TPX2: variants seen among roughly 807,000 people sequenced by gnomAD.
TPX2 encodes targeting protein for Xklp2.
Under a neutral mutation model 93.6 loss-of-function variants are expected in TPX2, and 21 were observed. That is an observed-to-expected ratio of 0.22 (90% CI 0.16 to 0.32). TPX2 has a LOEUF of 0.32. Ranked by LOEUF, TPX2 falls within the 10% of genes least tolerant of loss-of-function variation. TPX2 has a pLI of 1.00. For missense variants in TPX2, 776 were observed against 871.1 expected, an observed-to-expected ratio of 0.89 and a Z score of 1.37; for synonymous variants, 281 against 298.3, an observed-to-expected ratio of 0.94 and a Z score of 0.60.
At chr20:31,778,754 A>G (rs1416449001) in intron 9 of TPX2, 59 bp from the exon 10 acceptor site, 7 of 1,453,480 alleles carry the variant, frequency 4.8e-6, no homozygotes, top group African/African-American at 2.9e-5. Context: ...TATGTGGCTT[A>G]TGGTAGATGT....
intron 15 of TPX2, among the ~76,000 whole-genome samples, chr20:31,795,165 G>A (rs1326980297): frequency 6.6e-5 from 10 of 151,366 alleles, no homozygotes; most frequent in Non-Finnish European, 1.3e-4. Context: ...ACAGAGTGTC[G>A]CTCTGTCACC....
In TPX2 at chr20:31,794,378, A is replaced by C. The variant is rs752114507; in HGVS notation, c.1687-24A>C. 69 of 1,610,186 alleles carry C rather than the reference A, an allele frequency of 4.3e-5. 1 individual carries two copies. The South Asian group carries it at 7.3e-4, about 17-fold the overall frequency. On this transcript the variant is annotated intron_variant, in intron 14 of 17. Transcript: ENST00000300403. ...GCTTTCCAGCTAGTCTTTATCTTAA[A>C]CCTCATGTTTTCTTTTCTGTTAGGT...
intron 15 of TPX2, 36 bp downstream of exon 15, chr20:31,794,584 C>T: frequency 6.2e-7 from 1 of 1,607,054 alleles, no homozygotes. Flanking sequence ...ATGTTAATTG[C>T]TTGGTTGGTT....
chr20:31,798,093 G>C (rs997506928), intron 16 of TPX2, among the ~76,000 whole-genome samples: 3 of 152,170 alleles, frequency 2.0e-5, no homozygotes, highest in African/African-American at 7.2e-5. Flanking sequence ...TTCTATGTCT[G>C]CCTCAAAATC....
At chr20:31,792,371 CAAAT>C (rs1290028815) in intron 12 of TPX2, among the ~76,000 whole-genome samples, 1 of 152,084 alleles carries the variant, frequency 6.6e-6, no homozygotes, top group African/African-American at 2.4e-5. Flanking sequence ...AACAAACAAA[CAAAT>C]AAAAGGATTA....
intron 7 of TPX2, among the ~76,000 whole-genome samples, chr20:31,773,242 C>T (rs1284567137): frequency 2.0e-5 from 3 of 151,116 alleles, no homozygotes; most frequent in Non-Finnish European, 2.9e-5. Flanking sequence ...ACCTCTGCCT[C>T]CCACGTTCAA....
intron 10 of TPX2, among the ~76,000 whole-genome samples, chr20:31,781,253 CTTTTT>C (rs1007150417): frequency 8.6e-6 from 1 of 116,772 alleles, no homozygotes; most frequent in Admixed American, 8.5e-5. Context: ...GGCCTTATAT[CTTTTT>C]TTTTTTTTTT....
chr20:31,788,050 G>T (rs2062077747), intron 12 of TPX2, among the ~76,000 whole-genome samples: 1 of 152,068 alleles, frequency 6.6e-6, no homozygotes, highest in Non-Finnish European at 1.5e-5. Context: ...TGATTTTGGG[G>T]GTCCCAAGAT....
chr20:31,749,532 A>C (rs1263086291), intron 2 of TPX2, among the ~76,000 whole-genome samples: 1 of 152,130 alleles, frequency 6.6e-6, no homozygotes, highest in Non-Finnish European at 1.5e-5. Flanking sequence ...ACGGTGGCTT[A>C]CGCTAGTAAT....
intron 4 of TPX2, among the ~76,000 whole-genome samples, chr20:31,763,033 T>TG (rs1372376076): frequency 6.6e-6 from 1 of 152,160 alleles, no homozygotes; most frequent in Non-Finnish European, 1.5e-5. Flanking sequence ...TTTGTCTGTG[T>TG]GTCTGTTTTT....
chr20:31,784,537 A>G (rs1376640512), intron 12 of TPX2, among the ~76,000 whole-genome samples: 1 of 152,186 alleles, frequency 6.6e-6, no homozygotes, highest in Non-Finnish European at 1.5e-5. Context: ...ATGCCTCTCC[A>G]TTACATGATA....
At chr20:31,758,482 C>G (rs2061865940) in intron 3 of TPX2, among the ~76,000 whole-genome samples, 1 of 152,126 alleles carries the variant, frequency 6.6e-6, no homozygotes, top group Non-Finnish European at 1.5e-5. Context: ...AACAGTATTG[C>G]TTGGCCAATG....
chr20:31,779,071 G>T (rs2062018903), intron 10 of TPX2, 87 bp downstream of exon 10: 2 of 1,394,910 alleles, frequency 1.4e-6, no homozygotes, highest in Non-Finnish European at 1.9e-6. Flanking sequence ...GTCTTTAGCT[G>T]AAATCCTAGT....
At chr20:31,745,801 A>G (rs1479088346) in intron 2 of TPX2, among the ~76,000 whole-genome samples, 2 of 152,178 alleles carry the variant, frequency 1.3e-5, no homozygotes, top group South Asian at 4.1e-4. Context: ...GGAATATCAG[A>G]TTACTTTGGG....
At position 31,782,236 on chromosome 20, in the gene TPX2, T is replaced by C. The variant is rs1367136252; in HGVS notation, c.1055-13T>C. On this transcript the variant is annotated splice_polypyrimidine_tract_variant and intron_variant, in intron 10 of 17. Coordinates refer to ENST00000300403, the MANE Select transcript of TPX2 (RefSeq NM_012112.5). ...TGCGGATCTAGATGAACATCTGTCA[T>C]CTCTGTTTACAGACCTGTTACCCTC... 6.2e-7 allele frequency: 1 copy of C among 1,600,038 alleles called. No individual in the cohort carries two copies. Among genetic ancestry groups the C allele is most frequent in the East Asian group, 2.2e-5 (1 of 44,552 alleles).
At position 31,778,816 on chromosome 20, in the gene TPX2, C is replaced by T; in HGVS notation, c.886C>T (p.Arg296Ter). 6.4e-7 allele frequency: 1 copy of T among 1,566,646 alleles called. No individual in the cohort carries two copies. The highest frequency in any genetic ancestry group is 8.6e-7 in the Non-Finnish European group (1 of 1,161,828). The change falls in exon 10 of 18, where the codon CGA becomes TGA. Residue 296 changes from arginine to a stop codon, truncating the protein, a stop_gained. Coordinates refer to ENST00000300403, the MANE Select transcript of TPX2 (RefSeq NM_012112.5). LOFTEE classifies it high-confidence loss of function. ...GGAACAACTTTTCTCTTTACAGGCC[C>T]GAGTGACTAAGGGATGTACCATTGT... The part of the protein sequence containing the change: ...ELRKHPSSPA[R>*]VTKGCTIVKP...
intron 1 of TPX2, among the ~76,000 whole-genome samples, chr20:31,741,311 G>C (rs1237107243): frequency 6.7e-6 from 1 of 148,640 alleles, no homozygotes. Flanking sequence ...TTTTGTTTTT[G>C]TTTTTGTTTT....
At chr20:31,769,514 C>T (rs1038914341) in intron 5 of TPX2, among the ~76,000 whole-genome samples, 3 of 151,836 alleles carry the variant, frequency 2.0e-5, no homozygotes, top group Non-Finnish European at 2.9e-5. Flanking sequence ...TTAGTAGAGA[C>T]GGGGTTTCAC....
intron 2 of TPX2, among the ~76,000 whole-genome samples, chr20:31,749,363 T>C (rs2061804483): frequency 6.6e-6 from 1 of 152,194 alleles, no homozygotes; most frequent in Admixed American, 6.5e-5. Flanking sequence ...AAGTAGTAAA[T>C]CTCTCTGTGC....
Sources: gnomAD v4.1 joint callset for allele counts (sites outside exome capture counted in the v4.1 genomes callset) on GRCh38, gnomAD v4.1.1 for gene constraint, MANE v1.5 for transcripts, NCBI Gene and HGNC (gene_info 2026-07-23, HGNC 2026-07-21) for gene names.